KCNAB1: variants seen among roughly 807,000 people sequenced by gnomAD.
The protein encoded by KCNAB1 is voltage-gated potassium channel subunit beta-1.
In KCNAB1, 35 loss-of-function variants were observed where a neutral mutation model predicts 64.6. The ratio of observed to expected loss-of-function variants is 0.54; its 90% CI spans 0.41 to 0.72. The LOEUF (loss-of-function observed/expected upper bound fraction) is 0.72, where lower values mean the gene tolerates loss of function less well. Among genes scored for constraint, KCNAB1 ranks in the 30% least tolerant of loss-of-function variants. The pLI is 0.00. For synonymous variants in KCNAB1, 177 were observed against 183.8 expected (o/e 0.96, Z 0.30); for missense variants, 401 against 512.9 (o/e 0.78, Z 2.11).
At chr3:156,211,790 G>A (rs558231997) in intron 1 of KCNAB1, among the ~76,000 whole-genome samples, 11 of 152,350 alleles carry the variant, frequency 7.2e-5, no homozygotes, top group Non-Finnish European at 1.3e-4. Flanking sequence ...GTCTATCTAT[G>A]TGACAGTCCA....
intron 1 of KCNAB1, among the ~76,000 whole-genome samples, chr3:156,347,621 G>A (rs1214334302): frequency 6.6e-6 from 1 of 152,178 alleles, no homozygotes; most frequent in Non-Finnish European, 1.5e-5. Context: ...CATCCAAACA[G>A]TACTTAAAGA....
At chr3:156,156,552 G>A (rs959649846) in intron 1 of KCNAB1, among the ~76,000 whole-genome samples, 3 of 152,170 alleles carry the variant, frequency 2.0e-5, no homozygotes, top group African/African-American at 7.2e-5. Flanking sequence ...TATAAAAGTA[G>A]CATCAGGAGG....
intron 1 of KCNAB1, chr3:156,291,299 C>T (rs977508867): frequency 4.0e-6 from 4 of 989,556 alleles, no homozygotes; most frequent in African/African-American, 3.5e-5. Flanking sequence ...CACGTCCTCC[C>T]GGAGCGGAGG....
chr3:156,129,286 C>G (rs1713849811), intron 1 of KCNAB1, among the ~76,000 whole-genome samples: 1 of 152,148 alleles, frequency 6.6e-6, no homozygotes, highest in African/African-American at 2.4e-5. Context: ...GAAGGTCAAC[C>G]TTTCTAGTTC....
intron 1 of KCNAB1, among the ~76,000 whole-genome samples, chr3:156,399,026 CTCTT>C (rs1396564290): frequency 6.6e-6 from 1 of 152,226 alleles, no homozygotes; most frequent in Non-Finnish European, 1.5e-5. Context: ...CAAGCTCTCT[CTCTT>C]TAATACCTCC....
chr3:156,355,180 G>T (rs774123643), intron 1 of KCNAB1, among the ~76,000 whole-genome samples: 39 of 152,238 alleles, frequency 2.6e-4, no homozygotes, highest in South Asian at 4.2e-4. Context: ...ATTTTTTAAA[G>T]TATATTCACA....
intron 1 of KCNAB1, among the ~76,000 whole-genome samples, chr3:156,184,146 C>G (rs1269937041): frequency 6.6e-6 from 1 of 152,050 alleles, no homozygotes; most frequent in East Asian, 1.9e-4. Flanking sequence ...TTTTTTGTCC[C>G]TCATAGGATC....
rs116047630 is a variant in KCNAB1, at chr3:156,497,251, A to G, written c.659-17113A>G. On this transcript the variant is annotated intron_variant, in intron 8 of 13. Coordinates refer to ENST00000490337, the MANE Select transcript of KCNAB1 (RefSeq NM_172160.3). ...GTTAAGTGGAGGTTTTAATATCACT[A>G]ACATTAAGAAAGCATCTCCTTCCAG... Among the ~76,000 whole-genome samples the G allele has an allele frequency of 2.5e-3, 385 of 152,314 alleles. 4 individuals are homozygous for G. Among genetic ancestry groups the G allele is most frequent in the African/African-American group, 9.0e-3 (375 of 41,572 alleles).
intron 1 of KCNAB1, among the ~76,000 whole-genome samples, chr3:156,184,873 C>T (rs981015041): frequency 4.6e-5 from 7 of 152,166 alleles, no homozygotes; most frequent in Admixed American, 2.6e-4. Flanking sequence ...TCCCTGGGCT[C>T]CTGTGCTCCA....
chr3:156,530,745 G>A (rs192352751), intron 12 of KCNAB1, among the ~76,000 whole-genome samples: 8 of 152,288 alleles, frequency 5.3e-5, no homozygotes, highest in Admixed American at 4.6e-4. Flanking sequence ...GGAAGAAAGG[G>A]AGGTCCAGAG....
At chr3:156,135,619 G>T (rs1055803800) in intron 1 of KCNAB1, among the ~76,000 whole-genome samples, 4 of 152,200 alleles carry the variant, frequency 2.6e-5, no homozygotes, top group African/African-American at 9.6e-5. Flanking sequence ...GAGAGAGATT[G>T]CTTGATTGGA....
intron 2 of KCNAB1, among the ~76,000 whole-genome samples, chr3:156,442,018 CA>C (rs1445874817): frequency 1.3e-5 from 2 of 151,932 alleles, no homozygotes; most frequent in Non-Finnish European, 1.5e-5. Context: ...TAATGTGGGC[CA>C]AAAAACTAAA....
At chr3:156,293,914 A>G (rs1720619020) in intron 1 of KCNAB1, among the ~76,000 whole-genome samples, 1 of 152,232 alleles carries the variant, frequency 6.6e-6, no homozygotes, top group Non-Finnish European at 1.5e-5. Flanking sequence ...GTCCCCAGGA[A>G]CAGGACCCTC....
At chr3:156,378,463 G>C (rs917825006) in intron 1 of KCNAB1, among the ~76,000 whole-genome samples, 1 of 152,120 alleles carries the variant, frequency 6.6e-6, no homozygotes, top group Admixed American at 6.5e-5. Flanking sequence ...CAGAAAGCCT[G>C]TTTCTTAAGT....
intron 1 of KCNAB1, chr3:156,291,895 G>A (rs1366739592): frequency 6.2e-7 from 1 of 1,614,000 alleles, no homozygotes; most frequent in East Asian, 2.2e-5. Flanking sequence ...ACCGTGCGCT[G>A]CCTGGGGAAG....
At chr3:156,429,689 A>G (rs2108240093) in intron 2 of KCNAB1, among the ~76,000 whole-genome samples, 1 of 152,314 alleles carries the variant, frequency 6.6e-6, no homozygotes, top group Non-Finnish European at 1.5e-5. Flanking sequence ...CATGATTCCC[A>G]TTCTTGTTGT....
intron 1 of KCNAB1, among the ~76,000 whole-genome samples, chr3:156,313,546 T>C (rs981837276): frequency 1.3e-5 from 2 of 152,316 alleles, no homozygotes; most frequent in South Asian, 2.1e-4. Context: ...GAGGATGTCA[T>C]GCTGCTAGCT....
rs1046382975 is a variant in KCNAB1, at chr3:156,457,545, C to G, written c.437+13C>G. On this transcript the variant is annotated intron_variant, in intron 4 of 13. Transcript: ENST00000490337. ...ATGCTGCTGGAAAGTAAGTCAGTAC[C>G]TGTTTGTGTCACTCAAATGGCATCT... 1 of 1,607,808 alleles carries G rather than the reference C, an allele frequency of 6.2e-7. No individual in the cohort carries two copies. Among genetic ancestry groups the G allele is most frequent in the Non-Finnish European group, 8.5e-7 (1 of 1,174,448 alleles).
chr3:156,304,026 G>A lies in KCNAB1; in HGVS notation c.276-117590G>A, dbSNP rs1371718574. ...TGTTTTTCAATTTCATTTCTTAGCA[G>A]CAAGGCAGTACTATCACACGACAAT... On this transcript the variant is annotated intron_variant, in intron 1 of 13. Transcript: ENST00000490337. Among the ~76,000 whole-genome samples the A allele has an allele frequency of 2.0e-5, 3 of 152,170 alleles. No individual in the cohort carries two copies. In the East Asian group the frequency reaches 5.8e-4, roughly 29 times the overall value.
Sources: gnomAD v4.1 joint callset for allele counts (sites outside exome capture counted in the v4.1 genomes callset) on GRCh38, gnomAD v4.1.1 for gene constraint, MANE v1.5 for transcripts, NCBI Gene and HGNC (gene_info 2026-07-23, HGNC 2026-07-21) for gene names.